The following UNC79 variants were observed in gnomAD, a reference collection of about 807,000 sequenced individuals.
The protein encoded by UNC79 is protein unc-79 homolog.
In UNC79, 37 loss-of-function variants were observed where a neutral mutation model predicts 283.1. The ratio of observed to expected loss-of-function variants is 0.13; its 90% confidence interval spans 0.10 to 0.17. UNC79 has a LOEUF of 0.17. Ranked by LOEUF, UNC79 falls within the 10% of genes least tolerant of loss-of-function variation. The pLI, the probability that UNC79 is intolerant of heterozygous loss-of-function variation, is 1.00. For missense variants in UNC79, 2,272 were observed against 3,211.1 expected (o/e 0.71, Z 7.07); for synonymous variants, 1,107 against 1,200.2 (o/e 0.92, Z 1.61).
chr14:93,574,034 C>T (rs2063343642), intron 16 of UNC79, among the ~76,000 whole-genome samples: 3 of 152,198 alleles, frequency 2.0e-5, no homozygotes, highest in Non-Finnish European at 4.4e-5. Flanking sequence ...AAACAGTCAA[C>T]TTTGGGATTT....
At chr14:93,432,195 C>T (rs533602320) in intron 1 of UNC79, among the ~76,000 whole-genome samples, 22 of 152,240 alleles carry the variant, frequency 1.4e-4, no homozygotes, top group African/African-American at 5.3e-4. Context: ...TGATAAAATG[C>T]AGTATGTCAT....
chr14:93,613,622 G>C (rs893053699), intron 27 of UNC79, among the ~76,000 whole-genome samples: 2 of 151,990 alleles, frequency 1.3e-5, no homozygotes, highest in African/African-American at 4.8e-5. Context: ...CATCGTGTTA[G>C]CCAGGATGGT....
At position 93,617,048 on chromosome 14, in the gene UNC79, C is replaced by T. The variant is rs1280531427; in HGVS notation, c.4042-74C>T. On this transcript the variant is annotated intron_variant, in intron 27 of 48. Transcript: ENST00000555664. This position sits in a 1 kb window ranked among gnomAD's most constrained non-coding sequence, Gnocchi z 4.5. Reference sequence around the variant, plus strand: ...TTAAAAATTTTAACCACTGGGATGGCTCAAATTTTTCCTTTTGACCTCTGA... The same window carrying T: ...TTAAAAATTTTAACCACTGGGATGGTTCAAATTTTTCCTTTTGACCTCTGA... 3 of 1,402,412 alleles carry T rather than the reference C, an allele frequency of 2.1e-6. No homozygotes were observed. Among genetic ancestry groups the T allele is most frequent in the African/African-American group, 2.9e-5 (2 of 69,310 alleles). 86.9% of individuals were successfully genotyped at this position (1,402,412 alleles called of 1,614,324 possible).
chr14:93,536,695 C>T (rs763539177), intron 11 of UNC79, among the ~76,000 whole-genome samples: 2 of 151,228 alleles, frequency 1.3e-5, no homozygotes, highest in African/African-American at 2.4e-5. Flanking sequence ...TGATGACTTA[C>T]GATTCTTAGA....
chr14:93,469,127 C>T (rs1265096315), intron 2 of UNC79, among the ~76,000 whole-genome samples: 1 of 152,174 alleles, frequency 6.6e-6, no homozygotes, highest in Non-Finnish European at 1.5e-5. Flanking sequence ...CTAGTTGGCA[C>T]CTCAGAGCTT....
intron 41 of UNC79, among the ~76,000 whole-genome samples, 162 bp downstream of exon 44, chr14:93,673,617 A>G (rs538504987): frequency 6.6e-6 from 1 of 152,160 alleles, no homozygotes; most frequent in South Asian, 2.1e-4. Context: ...TATGCACCTG[A>G]CGCTTCCACT....
At chr14:93,565,034 G>C (rs1203984070) in intron 14 of UNC79, among the ~76,000 whole-genome samples, 1 of 152,012 alleles carries the variant, frequency 6.6e-6, no homozygotes, top group African/African-American at 2.4e-5. Flanking sequence ...AATGGGCTAA[G>C]AGACCAGAAG....
intron 10 of UNC79, among the ~76,000 whole-genome samples, chr14:93,530,766 G>A (rs1291299863): frequency 2.6e-5 from 4 of 151,916 alleles, no homozygotes; most frequent in Non-Finnish European, 5.9e-5. Flanking sequence ...AAAATTAGCC[G>A]GGCGTGGCGG....
At chr14:93,613,516 G>A (rs2066463310) in intron 27 of UNC79, among the ~76,000 whole-genome samples, 1 of 150,792 alleles carries the variant, frequency 6.6e-6, no homozygotes, top group Non-Finnish European at 1.5e-5. Flanking sequence ...CCGGGTTCAC[G>A]CCATTCTCCT....
intron 1 of UNC79, among the ~76,000 whole-genome samples, chr14:93,433,185 A>G (rs2055943604): frequency 6.6e-6 from 1 of 152,184 alleles, no homozygotes; most frequent in Non-Finnish European, 1.5e-5. Context: ...CTTTAAAGTA[A>G]GGAATTGTAG....
At chr14:93,341,408 G>C (rs1451818278) in intron 1 of UNC79, among the ~76,000 whole-genome samples, 1 of 152,008 alleles carries the variant, frequency 6.6e-6, no homozygotes, top group Non-Finnish European at 1.5e-5. Context: ...AGTGAGCTGA[G>C]ATCGCACCAC....
chr14:93,652,491 C>T (rs1216994794), intron 35 of UNC79, among the ~76,000 whole-genome samples: 1 of 152,158 alleles, frequency 6.6e-6, no homozygotes, highest in Non-Finnish European at 1.5e-5. Context: ...AACTCTTAGG[C>T]TCATGCAGTC....
chr14:93,374,728 A>G (rs777612991), intron 1 of UNC79, among the ~76,000 whole-genome samples: 11 of 152,152 alleles, frequency 7.2e-5, no homozygotes, highest in Non-Finnish European at 1.5e-4. Context: ...ATTATTTTTT[A>G]TAGAGACAGG....
intron 29 of UNC79, among the ~76,000 whole-genome samples, chr14:93,620,522 C>T (rs77631935): frequency 0.017 from 2,617 of 152,200 alleles, 71 homozygotes; most frequent in African/African-American, 0.06. Flanking sequence ...TGAAAATCCA[C>T]GCAAAGCAGA....
intron 7 of UNC79, among the ~76,000 whole-genome samples, chr14:93,498,953 G>A (rs541700803): frequency 1.3e-5 from 2 of 152,282 alleles, no homozygotes; most frequent in East Asian, 3.9e-4. Flanking sequence ...GATGTTCTGA[G>A]AATCTACTTA....
chr14:93,456,816 CAGTT>C (rs1299765104), intron 1 of UNC79, among the ~76,000 whole-genome samples: 1 of 152,194 alleles, frequency 6.6e-6, no homozygotes, highest in African/African-American at 2.4e-5. Context: ...GCTTCTCACA[CAGTT>C]AGTTCCTTAG....
chr14:93,433,204 A>C (rs1025032359), intron 1 of UNC79, among the ~76,000 whole-genome samples: 3 of 152,210 alleles, frequency 2.0e-5, no homozygotes, highest in African/African-American at 4.8e-5. Context: ...AGTAGGAGCT[A>C]TCTTTGCTTT....
chr14:93,574,386 G>C (rs564858313), intron 16 of UNC79, among the ~76,000 whole-genome samples: 1 of 152,164 alleles, frequency 6.6e-6, no homozygotes, highest in African/African-American at 2.4e-5. Context: ...GCACGTACAA[G>C]AGCTCCCATG....
intron 1 of UNC79, among the ~76,000 whole-genome samples, chr14:93,337,047 G>C (rs1277664866): frequency 1.3e-5 from 2 of 152,150 alleles, no homozygotes; most frequent in East Asian, 3.9e-4. Context: ...CCTAAAGCCT[G>C]GGGGCCAGGC....
Sources: gnomAD v4.1 joint callset for allele counts (sites outside exome capture counted in the v4.1 genomes callset) on GRCh38, gnomAD v4.1.1 for gene constraint, Gnocchi (gnomAD v3.1) non-coding constraint, MANE v1.5 for transcripts, NCBI Gene and HGNC (gene_info 2026-07-23, HGNC 2026-07-21) for gene names.